The following LATS1 variants were observed in gnomAD, a reference collection of about 807,000 sequenced individuals.
The protein encoded by LATS1 is serine/threonine-protein kinase LATS1.
A neutral mutation model predicts 106.6 loss-of-function variants in LATS1; 25 were observed. The observed-to-expected ratio is 0.23, with a 90% CI of 0.17 to 0.33. The LOEUF is 0.33. LATS1 is among the 10% of genes least tolerant of loss of function. The pLI is 1.00. For synonymous variants in LATS1, 465 were observed against 455.6 expected (o/e 1.02, Z -0.26); for missense variants, 1,040 against 1,382.6 (o/e 0.75, Z 3.93).
At chr6:149,678,163 C>A (rs9505987) in intron 5 of LATS1, among the ~76,000 whole-genome samples, 70,204 of 75,998 alleles carry the variant, frequency 0.92, 32,326 homozygotes, top group Middle Eastern at 0.96. Context: ...TACTAAAAAT[C>A]CAAAAAAAAA....
rs1369345617 is a variant in LATS1, at chr6:149,687,102, T to TA, written c.497-2511_497-2510insT. Among the ~76,000 whole-genome samples, 45 of 151,952 alleles carry TA rather than the reference T, an allele frequency of 3.0e-4. 1 individual carries two copies. The South Asian group carries it at 7.1e-3, about 24-fold the overall frequency. On this transcript the variant is annotated intron_variant, in intron 3 of 7. Coordinates refer to ENST00000543571, the MANE Select transcript of LATS1 (RefSeq NM_004690.4). ...AAGATCTCCAAGATTTTTATTTTTT[T>TA]TTTTTTGAGACAGAGACTTGCTCTG...
chr6:149,660,102 A>C lies in LATS1; in HGVS notation c.*1627T>G. On this transcript the variant is annotated 3_prime_UTR_variant, in exon 8 of 8. Transcript: ENST00000543571. ...AGGTCCATAACCTACAGCCTGTGAT[A>C]GGTTTCAATATGTCCAAAATCCCTT... 4.3e-6 allele frequency: 1 copy of C among 232,448 alleles called. No homozygotes were observed. The highest frequency in any genetic ancestry group is 8.5e-6 in the Non-Finnish European group (1 of 117,586). 14.4% of individuals were successfully genotyped at this position (232,448 alleles called of 1,614,324 possible).
rs1582860602 is a variant in LATS1, at chr6:149,676,679, G to A, written c.2652C>T (p.Ser884=). ...DFSNEWGDPS[S]CRCGDRLKPL... ...GCTTCAGTCTGTCTCCACATCGACAGCTTGAGGGATCCCCCCATTCATTAC... is the reference window on the plus strand; with the variant it reads ...GCTTCAGTCTGTCTCCACATCGACAACTTGAGGGATCCCCCCATTCATTAC... Residue 884 remains serine, a synonymous_variant, in exon 6 of 8, where the codon AGC becomes AGT. Coordinates refer to ENST00000543571, the MANE Select transcript of LATS1 (RefSeq NM_004690.4). 29 of 1,614,112 alleles carry A rather than the reference G, an allele frequency of 1.8e-5. No homozygotes were observed. In the East Asian group the frequency reaches 6.5e-4, roughly 36 times the overall value.
Position 149,701,760 on chromosome 6 carries a change from T to A in LATS1, c.348+19A>T. 6.4e-7 allele frequency: 1 copy of A among 1,554,400 alleles called. No homozygotes were observed. The highest frequency in any genetic ancestry group is 1.4e-5 in the African/African-American group (1 of 73,004). ...ATAAGGTAAGAAGAATCCTTTCTTT[T>A]GTCTTTAAACATTCTTACCTCATCA... On this transcript the variant is annotated intron_variant, in intron 2 of 7. Transcript: ENST00000543571.
intron 7 of LATS1, among the ~76,000 whole-genome samples, chr6:149,673,100 T>TC (rs1235549754): frequency 7.3e-4 from 38 of 52,282 alleles, no homozygotes; most frequent in African/African-American, 2.7e-3. Context: ...TCTTTTCTTT[T>TC]TTTTTTTTTT....
At chr6:149,664,788 C>G (rs1449860333) in intron 7 of LATS1, among the ~76,000 whole-genome samples, 1 of 152,180 alleles carries the variant, frequency 6.6e-6, no homozygotes, top group Non-Finnish European at 1.5e-5. Context: ...CTCCTAGCCT[C>G]AAGCAATCCT....
chr6:149,702,391 T>C (rs1783514245), intron 1 of LATS1, 125 bp from the exon 2 acceptor site: 1 of 314,304 alleles, frequency 3.2e-6, no homozygotes. Context: ...CCATTAAGGA[T>C]TACTCCGGGT....
intron 5 of LATS1, among the ~76,000 whole-genome samples, chr6:149,677,466 C>T (rs1781785273): frequency 6.6e-6 from 1 of 152,136 alleles, no homozygotes; most frequent in African/African-American, 2.4e-5. Flanking sequence ...TAGAAATGGT[C>T]TGCCTTTTAC....
intron 2 of LATS1, among the ~76,000 whole-genome samples, chr6:149,698,940 G>A (rs1582907078): frequency 6.6e-6 from 1 of 151,852 alleles, no homozygotes; most frequent in Non-Finnish European, 1.5e-5. Flanking sequence ...ATATACCCCA[G>A]TGATTGTATT....
chr6:149,689,167 C>CAA (rs879487599), intron 3 of LATS1, among the ~76,000 whole-genome samples: 1 of 133,684 alleles, frequency 7.5e-6, no homozygotes, highest in African/African-American at 2.8e-5. Flanking sequence ...AACTTTGTCT[C>CAA]AAAAAAAAAA....
intron 1 of LATS1, among the ~76,000 whole-genome samples, chr6:149,714,355 G>A (rs777556245): frequency 6.6e-6 from 1 of 152,088 alleles, no homozygotes; most frequent in Non-Finnish European, 1.5e-5. Flanking sequence ...TGTTCCTCCT[G>A]CCTCAGCCTC....
intron 3 of LATS1, among the ~76,000 whole-genome samples, chr6:149,686,407 A>G (rs918761265): frequency 1.3e-5 from 2 of 152,136 alleles, no homozygotes; most frequent in Non-Finnish European, 2.9e-5. Context: ...TAGAGTATAC[A>G]GTCACCCCTG....
chr6:149,717,976 C>T lies in LATS1; in HGVS notation c.-268G>A. The T allele has an allele frequency of 2.7e-6, 1 of 365,370 alleles. No homozygotes were observed. The allele number at this position is 365,370 out of a possible 1,614,324, so 22.6% of individuals were successfully genotyped here. ...CAGAGCGGGGAGACGAACGGGGGGG[C>T]TGCCGCGGGCCAGCGCGGCCCGTCC... On this transcript the variant is annotated 5_prime_UTR_variant, in exon 1 of 8. Coordinates refer to ENST00000543571, the MANE Select transcript of LATS1 (RefSeq NM_004690.4).
chr6:149,676,188 C>G, intron 7 of LATS1, 72 bp downstream of exon 7: 1 of 1,027,060 alleles, frequency 9.7e-7, no homozygotes, highest in Non-Finnish European at 1.5e-6. Context: ...AAATGCTCTA[C>G]GTACTAATAA....
intron 5 of LATS1, among the ~76,000 whole-genome samples, chr6:149,678,164 C>CAAAAAAAAAAAAAAAAAAAAAAAAA (rs56884854): frequency 2.3e-5 from 1 of 43,508 alleles, no homozygotes; most frequent in Non-Finnish European, 4.2e-5. Context: ...ACTAAAAATC[C>CAAAAAAAAAAAAAAAAAAAAAAAAA]AAAAAAAAAA....
intron 1 of LATS1, among the ~76,000 whole-genome samples, chr6:149,712,214 T>C (rs141222354): frequency 1.3e-5 from 2 of 152,290 alleles, no homozygotes; most frequent in East Asian, 1.9e-4. Context: ...ATTTATTTAT[T>C]TATAGATGGA....
At chr6:149,682,450 C>T (rs1388105116) in intron 4 of LATS1, among the ~76,000 whole-genome samples, 2 of 145,080 alleles carry the variant, frequency 1.4e-5, no homozygotes, top group East Asian at 2.1e-4. Context: ...GTCTCACTGT[C>T]GCCCACACTG....
chr6:149,676,594 T>A lies in LATS1; in HGVS notation c.2737A>T (p.Thr913Ser). Residue 913 changes from threonine (T) to serine (S), a missense_variant, in exon 6 of 8, where the codon ACT (threonine) becomes TCT (serine). Coordinates refer to ENST00000543571, the MANE Select transcript of LATS1 (RefSeq NM_004690.4). ...ACTTCAGGTGCAATATAATTGGGAG[T>A]CCCAACCAAAGAATGTGCTAGACAT... ...QRCLAHSLVG[T>S]PNYIAPEVLL... is the part of the protein sequence containing the mutation. The A allele has an allele frequency of 6.2e-7, 1 of 1,613,848 alleles. No individual in the cohort carries two copies. Among genetic ancestry groups the A allele is most frequent in the Non-Finnish European group, 8.5e-7 (1 of 1,179,998 alleles).
In LATS1 at chr6:149,660,421, C is replaced by T. The variant is rs890709621; in HGVS notation, c.*1308G>A. The T allele has an allele frequency of 1.3e-5, 3 of 232,978 alleles. No individual in the cohort carries two copies. Among genetic ancestry groups the T allele is most frequent in the Non-Finnish European group, 2.5e-5 (3 of 117,988 alleles). 14.4% of individuals were successfully genotyped at this position (232,978 alleles called of 1,614,324 possible). ...AAGAAAGCTAAAAGTATGAAAATCACTAAAATTATGCCTCCAATCTACAAA... is the reference window on the plus strand; with the variant it reads ...AAGAAAGCTAAAAGTATGAAAATCATTAAAATTATGCCTCCAATCTACAAA... On this transcript the variant is annotated 3_prime_UTR_variant, in exon 8 of 8. Transcript: ENST00000543571.
Sources: allele counts gnomAD v4.1 joint callset (sites outside exome capture counted in the v4.1 genomes callset), GRCh38; gene constraint gnomAD v4.1.1; transcripts MANE v1.5; gene names NCBI Gene and HGNC (gene_info 2026-07-23, HGNC 2026-07-21).